GRID2: variants seen among roughly 807,000 people sequenced by gnomAD.
GRID2 encodes glutamate ionotropic receptor delta type subunit 2, also known as glutamate receptor ionotropic, delta-2.
Under a neutral mutation model 114.8 loss-of-function variants are expected in GRID2, and 33 were observed. The observed-to-expected ratio is 0.29, with a 90% CI of 0.22 to 0.38. The LOEUF (loss-of-function observed/expected upper bound fraction) is 0.38, where lower values mean the gene tolerates loss of function less well. GRID2 is among the 10% of genes least tolerant of loss of function. GRID2 has a pLI of 1.00. For missense variants in GRID2, 1,184 were observed against 1,257.7 expected, an observed-to-expected ratio of 0.94 and a Z score of 0.89; for synonymous variants, 505 against 449.9, an observed-to-expected ratio of 1.12 and a Z score of -1.55.
chr4:93,236,435 A>C (rs1224781378), intron 7 of GRID2, among the ~76,000 whole-genome samples: 1 of 152,076 alleles, frequency 6.6e-6, no homozygotes, highest in East Asian at 1.9e-4. Flanking sequence ...GAGGATTTAC[A>C]TTATGAAACA....
At chr4:92,622,635 A>G (rs1371788396) in intron 2 of GRID2, among the ~76,000 whole-genome samples, 1 of 151,708 alleles carries the variant, frequency 6.6e-6, no homozygotes, top group Non-Finnish European at 1.5e-5. Flanking sequence ...AAGAGGTTTT[A>G]TTTATCAGAT....
At chr4:92,535,078 T>G (rs1039195233) in intron 1 of GRID2, among the ~76,000 whole-genome samples, 1 of 152,200 alleles carries the variant, frequency 6.6e-6, no homozygotes, top group Non-Finnish European at 1.5e-5. Context: ...CTACCTTATA[T>G]GGGCTAACTA....
chr4:93,457,037 T>C, intron 11 of GRID2, among the ~76,000 whole-genome samples: 1 of 152,132 alleles, frequency 6.6e-6, no homozygotes, highest in South Asian at 2.1e-4. Flanking sequence ...TAATCCACAC[T>C]ATCTAAGTAG....
intron 2 of GRID2, among the ~76,000 whole-genome samples, chr4:93,020,420 C>T (rs1723169109): frequency 6.6e-6 from 1 of 152,026 alleles, no homozygotes; most frequent in Non-Finnish European, 1.5e-5. Flanking sequence ...TAATTAATAA[C>T]ATGATTGTAT....
At chr4:93,657,444 A>C (rs1313786914) in intron 14 of GRID2, among the ~76,000 whole-genome samples, 1 of 151,996 alleles carries the variant, frequency 6.6e-6, no homozygotes, top group Non-Finnish European at 1.5e-5. Flanking sequence ...AAATCCTAAA[A>C]TTTTTCTCTA....
chr4:93,805,647 TG>T (rs1561010356), intron 1 of GRID2, among the ~76,000 whole-genome samples: 1 of 152,222 alleles, frequency 6.6e-6, no homozygotes. Context: ...AGGATCACAC[TG>T]ATCCCTTCTG....
chr4:92,415,872 G>A (rs1441876655), intron 1 of GRID2, among the ~76,000 whole-genome samples: 1 of 150,262 alleles, frequency 6.7e-6, no homozygotes, highest in Non-Finnish European at 1.5e-5. Context: ...ACATGCATGT[G>A]CAAGTGTCTT....
chr4:93,656,845 A>C (rs983140151), intron 14 of GRID2, among the ~76,000 whole-genome samples: 2 of 148,038 alleles, frequency 1.4e-5, no homozygotes, highest in African/African-American at 2.5e-5. Flanking sequence ...AAAAAAAAAA[A>C]AAAAAAAAAA....
rs552182996 is a variant in GRID2 at position 92,936,538 on chromosome 4, T to C, written c.245-148457T>C. Among the ~76,000 whole-genome samples the C allele has an allele frequency of 7.6e-4, 111 of 146,428 alleles. 6 individuals are homozygous for C. Among genetic ancestry groups the C allele is most frequent in the Admixed American group, 1.2e-3 (16 of 13,364 alleles). On this transcript the variant is annotated intron_variant, in intron 2 of 15. Coordinates refer to ENST00000282020, the MANE Select transcript of GRID2 (RefSeq NM_001510.4). The stretch of plus-strand genomic sequence containing the variant: ...CATGAAATTATTATCTAGTATTTAA[T>C]CATGTAATATTAGTAGATTGTGGTT...
intron 14 of GRID2, among the ~76,000 whole-genome samples, chr4:93,658,015 T>C (rs576824441): frequency 1.3e-4 from 20 of 152,322 alleles, no homozygotes; most frequent in Admixed American, 2.0e-4. Flanking sequence ...TCTACTTCCA[T>C]TGGGATCCTG....
chr4:93,744,705 C>G (rs1731696283), intron 14 of GRID2, among the ~76,000 whole-genome samples: 1 of 152,140 alleles, frequency 6.6e-6, no homozygotes, highest in Non-Finnish European at 1.5e-5. Context: ...AAGACAGAGG[C>G]AGGGTTTGAG....
intron 14 of GRID2, among the ~76,000 whole-genome samples, chr4:93,668,036 A>C (rs73839791): frequency 0.048 from 7,356 of 152,082 alleles, 228 homozygotes; most frequent in African/African-American, 0.089. Flanking sequence ...TGATTAAAAG[A>C]CTAGCATTTT....
At chr4:93,610,980 C>T (rs1183834674) in intron 13 of GRID2, among the ~76,000 whole-genome samples, 1 of 133,290 alleles carries the variant, frequency 7.5e-6, no homozygotes, top group Non-Finnish European at 1.6e-5. Flanking sequence ...TGATTATTGC[C>T]ACAATTTCAG....
chr4:93,205,041 C>T (rs1251483742), intron 4 of GRID2, among the ~76,000 whole-genome samples: 1 of 151,952 alleles, frequency 6.6e-6, no homozygotes, highest in Non-Finnish European at 1.5e-5. Context: ...ACCCAGAAAC[C>T]CACTTTCCTT....
intron 8 of GRID2, among the ~76,000 whole-genome samples, chr4:93,341,918 T>A (rs946746498): frequency 1.3e-5 from 2 of 152,212 alleles, no homozygotes; most frequent in Admixed American, 1.3e-4. Context: ...AAATTTTAAG[T>A]GTAATTTTTG....
chr4:92,581,780 G>T (rs1415157053), intron 1 of GRID2, among the ~76,000 whole-genome samples: 3 of 151,940 alleles, frequency 2.0e-5, no homozygotes. Context: ...GAATTTAAAG[G>T]TGTCTGAATT....
At chr4:93,026,077 G>A (rs1014302230) in intron 2 of GRID2, among the ~76,000 whole-genome samples, 1 of 151,716 alleles carries the variant, frequency 6.6e-6, no homozygotes, top group Non-Finnish European at 1.5e-5. Context: ...TTCACTGAGA[G>A]AAGTAGTGTA....
intron 8 of GRID2, among the ~76,000 whole-genome samples, chr4:93,387,686 C>A (rs953374127): frequency 2.0e-5 from 3 of 151,824 alleles, no homozygotes; most frequent in Non-Finnish European, 4.4e-5. Flanking sequence ...AAAAATTAGC[C>A]AGGTATGGTG....
At chr4:93,696,461 A>ATTT (rs10685626) in intron 14 of GRID2, among the ~76,000 whole-genome samples, 6,247 of 152,284 alleles carry the variant, frequency 0.041, 197 homozygotes, top group African/African-American at 0.081. Flanking sequence ...TTGCTGCAGG[A>ATTT]TTTGATACTT....
Sources: gnomAD v4.1 joint callset for allele counts (sites outside exome capture counted in the v4.1 genomes callset) on GRCh38, gnomAD v4.1.1 for gene constraint, MANE v1.5 for transcripts, NCBI Gene and HGNC (gene_info 2026-07-23, HGNC 2026-07-21) for gene names.